The following NELL2 variants were observed in gnomAD, a reference collection of about 807,000 sequenced individuals.
NELL2 encodes protein kinase C-binding protein NELL2.
A neutral mutation model predicts 109.6 loss-of-function variants in NELL2; 41 were observed. That is an observed-to-expected ratio of 0.37 (90% CI 0.29 to 0.49). The LOEUF (loss-of-function observed/expected upper bound fraction) is 0.49. Ranked by LOEUF, NELL2 falls within the 20% of genes least tolerant of loss-of-function variation. NELL2 has a pLI of 0.98. For synonymous variants in NELL2, 355 were observed against 344.7 expected, an observed-to-expected ratio of 1.03 and a Z score of -0.33; for missense variants, 900 against 1,008.3, an observed-to-expected ratio of 0.89 and a Z score of 1.45.
intron 19 of NELL2, among the ~76,000 whole-genome samples, chr12:44,518,061 C>A (rs1941352876): frequency 6.6e-6 from 1 of 151,956 alleles, no homozygotes; most frequent in South Asian, 2.1e-4. Flanking sequence ...ATTTTTATGA[C>A]TCATATTTAA....
At chr12:44,911,556 A>G (rs1945780192) in intron 1 of NELL2, among the ~76,000 whole-genome samples, 1 of 151,990 alleles carries the variant, frequency 6.6e-6, no homozygotes, top group Non-Finnish European at 1.5e-5. Flanking sequence ...AAATAAAACT[A>G]CAAAATTCGT....
At chr12:44,515,912 T>C (rs1265146643) in intron 19 of NELL2, among the ~76,000 whole-genome samples, 1 of 151,930 alleles carries the variant, frequency 6.6e-6, no homozygotes, top group Admixed American at 6.5e-5. Flanking sequence ...TATTTCAATA[T>C]GTTTTAATAG....
At chr12:44,789,728 A>G (rs1211330189) in intron 3 of NELL2, among the ~76,000 whole-genome samples, 1 of 152,206 alleles carries the variant, frequency 6.6e-6, no homozygotes, top group Non-Finnish European at 1.5e-5. Context: ...AAAAAAAGAT[A>G]TAAGAAGTGA....
intron 13 of NELL2, among the ~76,000 whole-genome samples, chr12:44,619,120 A>G (rs1440301513): frequency 6.6e-6 from 1 of 152,188 alleles, no homozygotes; most frequent in African/African-American, 2.4e-5. Context: ...AAACAGGCCG[A>G]ACAGGTGGCT....
At chr12:44,519,910 A>G (rs1592059615) in intron 19 of NELL2, 95 bp downstream of exon 19, 1 of 1,124,260 alleles carries the variant, frequency 8.9e-7, no homozygotes, top group African/African-American at 1.6e-5. Context: ...AAAAAAAAAA[A>G]AAACCTTCCT....
At chr12:44,720,959 G>A (rs879312810) in intron 9 of NELL2, among the ~76,000 whole-genome samples, 6 of 152,118 alleles carry the variant, frequency 3.9e-5, no homozygotes, top group African/African-American at 1.4e-4. Flanking sequence ...CTGAAATACT[G>A]TAAATTTAGC....
chr12:44,614,334 A>G (rs1227252633), intron 13 of NELL2, among the ~76,000 whole-genome samples: 2 of 152,074 alleles, frequency 1.3e-5, no homozygotes, highest in Admixed American at 1.3e-4. Flanking sequence ...AGAAAAATAT[A>G]TCGAAGGAAG....
chr12:44,819,380 T>C (rs1592596538), intron 2 of NELL2, among the ~76,000 whole-genome samples: 1 of 152,338 alleles, frequency 6.6e-6, no homozygotes, highest in South Asian at 2.1e-4. Context: ...TAAACATCCA[T>C]CATATTTTGA....
At chr12:44,648,976 G>C (rs796691180) in intron 13 of NELL2, among the ~76,000 whole-genome samples, 3 of 147,542 alleles carry the variant, frequency 2.0e-5, no homozygotes, top group African/African-American at 7.5e-5. Context: ...ATGTTGGCCA[G>C]ACTGGTTTCG....
At chr12:44,609,032 T>C (rs1311369788) in intron 14 of NELL2, among the ~76,000 whole-genome samples, 1 of 151,896 alleles carries the variant, frequency 6.6e-6, no homozygotes, top group Admixed American at 6.6e-5. Context: ...ATGTTGCATT[T>C]TGGGGCCATT....
chr12:44,675,309 C>T (rs150603952), intron 12 of NELL2, among the ~76,000 whole-genome samples: 7 of 152,248 alleles, frequency 4.6e-5, no homozygotes, highest in South Asian at 2.1e-4. Flanking sequence ...TTTCAAGTCA[C>T]TACTAGCCAC....
chr12:44,769,955 A>T (rs1389311365), intron 9 of NELL2, among the ~76,000 whole-genome samples: 1 of 152,138 alleles, frequency 6.6e-6, no homozygotes, highest in Admixed American at 6.5e-5. Context: ...TTCAACCTTG[A>T]TTAAGATACG....
chr12:44,921,094 C>T (rs1945864993), intron 1 of NELL2, among the ~76,000 whole-genome samples: 1 of 152,144 alleles, frequency 6.6e-6, no homozygotes, highest in Non-Finnish European at 1.5e-5. Flanking sequence ...AGGAAAAGAG[C>T]ACCCATGAGA....
At chr12:44,740,313 T>G (rs1939883885) in intron 9 of NELL2, among the ~76,000 whole-genome samples, 2 of 152,170 alleles carry the variant, frequency 1.3e-5, no homozygotes. Context: ...TACTTGTATC[T>G]GGATATAATT....
At position 44,694,520 on chromosome 12, in the gene NELL2, AACAC is replaced by A. The variant is rs60024794; in HGVS notation, c.1318+9202_1318+9205del. Among the ~76,000 whole-genome samples the A allele has an allele frequency of 1.1e-3, 160 of 144,380 alleles. 1 individual carries two copies. The highest frequency in any genetic ancestry group is 5.0e-3 in the South Asian group (22 of 4,368). The allele number at this position is 144,380 out of a possible 152,430, so 94.7% of individuals were successfully genotyped here. On this transcript the variant is annotated intron_variant, in intron 12 of 19. Coordinates refer to ENST00000429094, the MANE Select transcript of NELL2 (RefSeq NM_001145108.2). Reference sequence around the variant, plus strand: ...GTATATAATATACAACACACATACAAACACACACACACACACACACACACACACA... The same window carrying A: ...GTATATAATATACAACACACATACAAACACACACACACACACACACACACA...
intron 13 of NELL2, among the ~76,000 whole-genome samples, chr12:44,646,218 T>C (rs1032490256): frequency 5.3e-5 from 8 of 152,186 alleles, no homozygotes; most frequent in African/African-American, 1.2e-4. Context: ...GTGTGAGATA[T>C]TACTTTCCTT....
intron 11 of NELL2, among the ~76,000 whole-genome samples, chr12:44,711,012 C>A (rs1372708874): frequency 6.6e-6 from 1 of 152,104 alleles, no homozygotes; most frequent in Non-Finnish European, 1.5e-5. Context: ...GCTGTACTGA[C>A]TCCAAACCAG....
chr12:44,919,964 T>G (rs1249182515), intron 1 of NELL2, among the ~76,000 whole-genome samples: 1 of 152,232 alleles, frequency 6.6e-6, no homozygotes, highest in African/African-American at 2.4e-5. Context: ...TAAGCCGAAG[T>G]TGATTTTCAT....
At chr12:44,814,970 C>A (rs1378367751) in intron 3 of NELL2, among the ~76,000 whole-genome samples, 2 of 152,102 alleles carry the variant, frequency 1.3e-5, no homozygotes, top group African/African-American at 2.4e-5. Flanking sequence ...TTAATCCTCA[C>A]AACAACTTAT....
Sources: gnomAD v4.1 joint callset for allele counts (sites outside exome capture counted in the v4.1 genomes callset) on GRCh38, gnomAD v4.1.1 for gene constraint, MANE v1.5 for transcripts, NCBI Gene and HGNC (gene_info 2026-07-23, HGNC 2026-07-21) for gene names.